The following LYPD6B variants were observed in gnomAD, a reference collection of about 807,000 sequenced individuals.
The protein encoded by LYPD6B is ly6/PLAUR domain-containing protein 6B.
Under a neutral mutation model 22.8 loss-of-function variants are expected in LYPD6B, and 17 were observed. The ratio of observed to expected loss-of-function variants is 0.75; its 90% CI spans 0.51 to 1.12. The LOEUF (loss-of-function observed/expected upper bound fraction) is 1.12. Among genes scored for constraint, LYPD6B ranks in the 50% most tolerant of loss-of-function variants. The pLI, the probability that LYPD6B is intolerant of heterozygous loss-of-function variation, is 0.00. For missense variants in LYPD6B, 221 were observed against 258.3 expected, an observed-to-expected ratio of 0.86 and a Z score of 0.99; for synonymous variants, 106 against 91.6, an observed-to-expected ratio of 1.16 and a Z score of -0.90.
chr2:149,204,351 C>T (rs1693369029), intron 3 of LYPD6B, among the ~76,000 whole-genome samples: 1 of 152,188 alleles, frequency 6.6e-6, no homozygotes, highest in Admixed American at 6.5e-5. Context: ...GCTGCCCACA[C>T]CTCCTCCTTG....
intron 3 of LYPD6B, chr2:149,204,964 G>A (rs1693410379): frequency 6.9e-6 from 2 of 291,504 alleles, no homozygotes; most frequent in Non-Finnish European, 1.3e-5. Context: ...CTGAGGGAAT[G>A]GGGTGCAGCC....
Position 149,141,570 on chromosome 2 carries a change from G to C in LYPD6B, c.5+10617G>C, listed in dbSNP as rs114671353. Reference sequence around the variant, plus strand: ...TGAATTTTTTCTGCCTTGTTATTTTGTATTTGTTATATGAAATCTTTCTTA... The same window carrying C: ...TGAATTTTTTCTGCCTTGTTATTTTCTATTTGTTATATGAAATCTTTCTTA... On this transcript the variant is annotated intron_variant, in intron 2 of 6. Transcript: ENST00000409642. 6.0e-3 allele frequency among the ~76,000 whole-genome samples: 910 copies of C among 152,060 alleles called. 10 individuals carry two copies. The highest frequency in any genetic ancestry group is 0.021 in the African/African-American group (873 of 41,478).
chr2:149,111,313 G>C (rs918216598), intron 1 of LYPD6B, among the ~76,000 whole-genome samples: 8 of 152,148 alleles, frequency 5.3e-5, no homozygotes, highest in Non-Finnish European at 1.0e-4. Flanking sequence ...GTGGAGAATT[G>C]ACTATAGGTA....
intron 1 of LYPD6B, among the ~76,000 whole-genome samples, chr2:149,112,708 C>T (rs1365059933): frequency 6.6e-6 from 1 of 152,056 alleles, no homozygotes; most frequent in East Asian, 1.9e-4. Flanking sequence ...GTTCTTGGGT[C>T]ATTATATTAT....
At chr2:149,094,557 A>G (rs1397470371) in intron 1 of LYPD6B, among the ~76,000 whole-genome samples, 1 of 152,248 alleles carries the variant, frequency 6.6e-6, no homozygotes, top group Non-Finnish European at 1.5e-5. Context: ...TTAGAGCAGT[A>G]GAGTAATTAT....
At chr2:149,143,070 A>C (rs1032699737) in intron 2 of LYPD6B, among the ~76,000 whole-genome samples, 11 of 152,312 alleles carry the variant, frequency 7.2e-5, no homozygotes, top group South Asian at 2.1e-4. Context: ...ATAATGATAC[A>C]TTATTATTAG....
chr2:149,106,502 G>T (rs1401574998), intron 1 of LYPD6B, among the ~76,000 whole-genome samples: 1 of 151,954 alleles, frequency 6.6e-6, no homozygotes, highest in Non-Finnish European at 1.5e-5. Flanking sequence ...AGTAAGCTTT[G>T]GTAGATTGTA....
intron 3 of LYPD6B, among the ~76,000 whole-genome samples, chr2:149,171,195 G>A (rs539308401): frequency 2.6e-5 from 4 of 152,164 alleles, no homozygotes; most frequent in South Asian, 2.1e-4. Flanking sequence ...CATTGCCTGC[G>A]ATTCCTGTGT....
chr2:149,208,298 G>T lies in LYPD6B; in HGVS notation c.230-16G>T, dbSNP rs762847663. The T allele has an allele frequency of 6.2e-7, 1 of 1,604,334 alleles. No individual in the cohort carries two copies. Reference sequence around the variant, plus strand: ...CTTCTGTAGCTTACTGTTTCACTTTGCTTTTTTCTTTAAAGCTACACCATT... The same window carrying T: ...CTTCTGTAGCTTACTGTTTCACTTTTCTTTTTTCTTTAAAGCTACACCATT... On this transcript the variant is annotated splice_polypyrimidine_tract_variant and intron_variant, in intron 4 of 6. Transcript: ENST00000409642.
At chr2:149,082,831 G>A (rs73963335) in intron 1 of LYPD6B, among the ~76,000 whole-genome samples, 2 of 152,156 alleles carry the variant, frequency 1.3e-5, no homozygotes, top group Non-Finnish European at 2.9e-5. Context: ...ATGTAGTAAG[G>A]CAGCTGGAAA....
chr2:149,108,715 T>C (rs4667323), intron 1 of LYPD6B, among the ~76,000 whole-genome samples: 49,008 of 152,106 alleles, frequency 0.32, 8,488 homozygotes, highest in Non-Finnish European at 0.38. Flanking sequence ...TGTTTAAGTT[T>C]TTCATCTTGC....
intron 1 of LYPD6B, among the ~76,000 whole-genome samples, chr2:149,088,052 G>A (rs540977364): frequency 5.3e-5 from 8 of 151,846 alleles, no homozygotes; most frequent in African/African-American, 1.7e-4. Flanking sequence ...CACAGGATTC[G>A]TATCTCCTTG....
intron 1 of LYPD6B, among the ~76,000 whole-genome samples, chr2:149,058,156 A>T (rs1018032425): frequency 6.6e-6 from 1 of 152,186 alleles, no homozygotes; most frequent in African/African-American, 2.4e-5. Flanking sequence ...CATAGTTTTC[A>T]TATCTGCAAA....
In LYPD6B at chr2:149,194,217, A is replaced by G. The variant is rs57937037; in HGVS notation, c.78-11036A>G. 9.6e-3 allele frequency among the ~76,000 whole-genome samples: 1,463 copies of G among 152,286 alleles called. 22 individuals carry two copies. The highest frequency in any genetic ancestry group is 0.033 in the African/African-American group (1,387 of 41,552). On this transcript the variant is annotated intron_variant, in intron 3 of 6. Transcript: ENST00000409642. ...GCATAAATCTAGTTGTTGGTTTCCT[A>G]TAACTTAATGGATCATAACAATTGC... is the stretch of plus-strand genomic sequence containing the variant.
intron 5 of LYPD6B, among the ~76,000 whole-genome samples, chr2:149,208,939 G>A (rs561610439): frequency 6.6e-6 from 1 of 152,100 alleles, no homozygotes; most frequent in Admixed American, 6.6e-5. Context: ...TTAGAACTAC[G>A]ACCTGAGTGA....
At chr2:149,069,939 G>GGT (rs373627034) in intron 1 of LYPD6B, among the ~76,000 whole-genome samples, 1 of 150,416 alleles carries the variant, frequency 6.6e-6, no homozygotes, top group Non-Finnish European at 1.5e-5. Context: ...AGAGATGGGT[G>GGT]GTGTGTGTGT....
At chr2:149,051,660 A>ATAT (rs970737110) in intron 1 of LYPD6B, among the ~76,000 whole-genome samples, 16 of 151,420 alleles carry the variant, frequency 1.1e-4, no homozygotes, top group African/African-American at 3.4e-4. Context: ...AAAGGGCTAT[A>ATAT]TATTATTATT....
chr2:149,059,052 G>C (rs1040398969), intron 1 of LYPD6B, among the ~76,000 whole-genome samples: 1 of 152,218 alleles, frequency 6.6e-6, no homozygotes, highest in African/African-American at 2.4e-5. Flanking sequence ...TCAGCTCTCT[G>C]TAGGTATTGC....
intron 2 of LYPD6B, among the ~76,000 whole-genome samples, chr2:149,133,842 T>C (rs1688181559): frequency 6.6e-6 from 1 of 152,156 alleles, no homozygotes; most frequent in Non-Finnish European, 1.5e-5. Flanking sequence ...ATTTAGCAAA[T>C]ATTTATTGAA....
Sources: gnomAD v4.1 joint callset for allele counts (sites outside exome capture counted in the v4.1 genomes callset) on GRCh38, gnomAD v4.1.1 for gene constraint, MANE v1.5 for transcripts, NCBI Gene and HGNC (gene_info 2026-07-23, HGNC 2026-07-21) for gene names.